The following CACNA1S variants were observed in gnomAD, a reference collection of about 807,000 sequenced individuals.
The protein encoded by CACNA1S is voltage-dependent L-type calcium channel subunit alpha-1S.
Under a neutral mutation model 207.4 loss-of-function variants are expected in CACNA1S, and 126 were observed. The ratio of observed to expected loss-of-function variants is 0.61; its 90% CI spans 0.53 to 0.70. The LOEUF (loss-of-function observed/expected upper bound fraction) is 0.70. Ranked by LOEUF, CACNA1S falls within the 30% of genes least tolerant of loss-of-function variation. The pLI is 0.00. For synonymous variants in CACNA1S, 960 were observed against 932.7 expected (o/e 1.03, Z -0.53); for missense variants, 2,349 against 2,422.8 (o/e 0.97, Z 0.64).
chr1:201,093,807 G>T, intron 3 of CACNA1S, 75 bp downstream of exon 3: 1 of 1,544,966 alleles, frequency 6.5e-7, no homozygotes, highest in Non-Finnish European at 8.9e-7. Flanking sequence ...CCTCTAAGAT[G>T]CTGGTGGTGG....
chr1:201,104,892 G>A (rs1662818463), intron 2 of CACNA1S, among the ~76,000 whole-genome samples: 1 of 152,258 alleles, frequency 6.6e-6, no homozygotes, highest in Admixed American at 6.5e-5. Context: ...GGCATGTGCA[G>A]TGATCTAACC....
At chr1:201,060,961 T>C (rs951651574) in intron 25 of CACNA1S, 145 bp from the exon 26 acceptor site, 5 of 1,043,842 alleles carry the variant, frequency 4.8e-6, no homozygotes, top group African/African-American at 1.6e-5. Context: ...AGGGGAATAA[T>C]CCTGTTGGGC....
intron 2 of CACNA1S, 126 bp from the exon 3 acceptor site, chr1:201,094,147 T>C: frequency 9.1e-7 from 1 of 1,100,796 alleles, no homozygotes; most frequent in Non-Finnish European, 1.4e-6. Context: ...CGTTTGCACT[T>C]GCTGATGGAA....
intron 18 of CACNA1S, 39 bp downstream of exon 18, chr1:201,069,433 G>C: frequency 6.2e-7 from 1 of 1,604,904 alleles, no homozygotes; most frequent in Non-Finnish European, 8.5e-7. Context: ...GCTGGAGGGG[G>C]CAGGGGTGCT....
chr1:201,053,140 A>G lies in CACNA1S; in HGVS notation c.3861+69T>C, dbSNP rs1660713533. ...AGCCCGTGTGCTGCTCAGGCTCCTCAGGGTCCACTGATGCCCCCTCTAACT... is the reference window on the plus strand; with the variant it reads ...AGCCCGTGTGCTGCTCAGGCTCCTCGGGGTCCACTGATGCCCCCTCTAACT... On this transcript the variant is annotated intron_variant, in intron 31 of 43. Coordinates refer to ENST00000362061, the MANE Select transcript of CACNA1S (RefSeq NM_000069.3). This position sits in a 1 kb window ranked among gnomAD's most constrained non-coding sequence, Gnocchi z 5.1. 9.0e-6 allele frequency: 14 copies of G among 1,563,890 alleles called. No homozygotes were observed. The South Asian group carries it at 1.3e-4, about 15-fold the overall frequency.
At chr1:201,097,099 C>T (rs1407564269) in intron 2 of CACNA1S, among the ~76,000 whole-genome samples, 1 of 152,092 alleles carries the variant, frequency 6.6e-6, no homozygotes. Context: ...GTCCCAGTGT[C>T]CAGCAGGTCC....
At position 201,059,280 on chromosome 1, in the gene CACNA1S, T is replaced by C; in HGVS notation, c.3434A>G (p.Gln1145Arg). Residue 1145 changes from glutamine to arginine, a missense_variant, in exon 27 of 44, where the codon CAG becomes CGG. Coordinates refer to ENST00000362061, the MANE Select transcript of CACNA1S (RefSeq NM_000069.3). ...LGMQHYNQSEQMNHISDILNV... is the reference protein window; with the variant it reads ...LGMQHYNQSERMNHISDILNV... ...GAGGATGTCTGAGATGTGGTTCATC[T>C]GCTCCGACTGGTTGTAGTGCTGTGG... The C allele has an allele frequency of 1.9e-6, 3 of 1,613,540 alleles. No homozygotes were observed. The highest frequency in any genetic ancestry group is 2.5e-6 in the Non-Finnish European group (3 of 1,179,460).
At position 201,053,333 on chromosome 1, in the gene CACNA1S, C is replaced by G. The variant is rs544379172; in HGVS notation, c.3796-59G>C. On this transcript the variant is annotated intron_variant, in intron 30 of 43. Coordinates refer to ENST00000362061, the MANE Select transcript of CACNA1S (RefSeq NM_000069.3). The surrounding 1 kb of genome is among the most constrained non-coding windows in gnomAD (Gnocchi z 5.1). Reference sequence around the variant, plus strand: ...TAGGGCTCCACTGTGTGTCTGCAGCCCTGCCCTCTGTTAGCTCCCCAGGGC... The same window carrying G: ...TAGGGCTCCACTGTGTGTCTGCAGCGCTGCCCTCTGTTAGCTCCCCAGGGC... 1.2e-6 allele frequency: 2 copies of G among 1,611,850 alleles called. No individual in the cohort carries two copies. Among genetic ancestry groups the G allele is most frequent in the Middle Eastern group, 1.7e-4 (1 of 6,044 alleles).
At chr1:201,065,986 C>A in intron 21 of CACNA1S, 41 bp from the exon 22 acceptor site, 1 of 1,404,316 alleles carries the variant, frequency 7.1e-7, no homozygotes, top group East Asian at 2.3e-5. Context: ...GGTGCACCCA[C>A]AGTAACCCTG....
At position 201,039,724 on chromosome 1, in the gene CACNA1S, G is replaced by T; in HGVS notation, c.*107C>A. 6.7e-7 allele frequency: 1 copy of T among 1,484,212 alleles called. No homozygotes were observed. 91.9% of individuals were successfully genotyped at this position (1,484,212 alleles called of 1,614,324 possible). ...GCCTCAGGCCATGCATCTAGCTGCT[G>T]AGAGGGAGGGAGGCTGCTGCGGTGG... On this transcript the variant is annotated 3_prime_UTR_variant, in exon 44 of 44. Transcript: ENST00000362061.
chr1:201,070,512 A>C (rs1661409999), intron 16 of CACNA1S, 108 bp from the exon 17 acceptor site: 1 of 1,477,878 alleles, frequency 6.8e-7, no homozygotes, highest in African/African-American at 1.4e-5. Context: ...TAAGCAAGGG[A>C]CCACCAGGCT....
chr1:201,062,861 C>T (rs1661113255), intron 22 of CACNA1S, among the ~76,000 whole-genome samples: 3 of 152,252 alleles, frequency 2.0e-5, no homozygotes, highest in South Asian at 4.1e-4. Context: ...CCCTGCCCCT[C>T]CCTCGGGGAG....
rs754213830 is a variant in CACNA1S, at chr1:201,089,450, C to G, written c.708G>C (p.Thr236=). ...CYFIGTDIVA[T]VENEEPSPCA... ...AGGGCGATGGCTCTTCATTCTCCAC[C>G]GTGGCCACGATATCTGGAGGCAGAA... is the stretch of plus-strand genomic sequence containing the variant. Residue 236 remains threonine, a synonymous_variant, in exon 6 of 44, where the codon ACG becomes ACC. Transcript: ENST00000362061. The G allele has an allele frequency of 2.9e-5, 46 of 1,613,830 alleles. No homozygotes were observed. The Admixed American group carries it at 7.3e-4, about 26-fold the overall frequency.
intron 41 of CACNA1S, 152 bp downstream of exon 41, chr1:201,041,352 T>C (rs368769049): frequency 4.2e-6 from 3 of 706,316 alleles, no homozygotes; most frequent in East Asian, 2.7e-5. Flanking sequence ...GTCCTGATGG[T>C]TTTCCCATTC....
At chr1:201,075,744 G>T (rs1661589254) in intron 12 of CACNA1S, 129 bp from the exon 13 acceptor site, 1 of 1,074,002 alleles carries the variant, frequency 9.3e-7, no homozygotes, top group East Asian at 2.4e-5. Context: ...TCATTCCACA[G>T]TCTGGGTGGC....
At position 201,066,049 on chromosome 1, in the gene CACNA1S, G is replaced by T; in HGVS notation, c.2746-104C>A. The T allele has an allele frequency of 2.1e-6, 2 of 962,386 alleles. No homozygotes were observed. The highest frequency in any genetic ancestry group is 3.3e-6 in the Non-Finnish European group (2 of 608,884). 59.6% of individuals were successfully genotyped at this position (962,386 alleles called of 1,614,324 possible). ...TGCAAGACTTGCTGCCTCCTGATGA[G>T]TTGGAGGTGGGGAAAGGCTGGTGGG... On this transcript the variant is annotated intron_variant, in intron 21 of 43. Transcript: ENST00000362061. The surrounding 1 kb of genome is among the most constrained non-coding windows in gnomAD (Gnocchi z 4.3).
chr1:201,090,734 C>T (rs1422344462), intron 5 of CACNA1S, among the ~76,000 whole-genome samples: 1 of 152,116 alleles, frequency 6.6e-6, no homozygotes, highest in African/African-American at 2.4e-5. Context: ...ATTCTCTCAA[C>T]AATGTAGACT....
intron 9 of CACNA1S, among the ~76,000 whole-genome samples, chr1:201,084,716 G>A (rs1661966556): frequency 6.6e-6 from 1 of 152,152 alleles, no homozygotes; most frequent in Non-Finnish European, 1.5e-5. Context: ...TCCTTCTTAT[G>A]TGCTATATAA....
rs1660138029 is a variant in CACNA1S at position 201,040,689 on chromosome 1, T to A, written c.5159A>T (p.Glu1720Val). ...VLGPHSKPCV[E>V]MLKGLLTQRA... The stretch of plus-strand genomic sequence containing the variant: ...CTGGGTCAGCAGTCCCTTCAGCATC[T>A]CCACACAGGGTTTGCTGTGGGGTCC... The change falls in exon 42 of 44, where the codon GAG becomes GTG. Residue 1720 changes from glutamate to valine, a missense_variant. By Grantham distance (121) the Glu-to-Val change is moderately radical. Transcript: ENST00000362061. 1 of 1,614,042 alleles carries A rather than the reference T, an allele frequency of 6.2e-7. No homozygotes were observed. The highest frequency in any genetic ancestry group is 8.5e-7 in the Non-Finnish European group (1 of 1,179,974).
Sources: gnomAD v4.1 joint callset for allele counts (sites outside exome capture counted in the v4.1 genomes callset) on GRCh38, gnomAD v4.1.1 for gene constraint, Gnocchi (gnomAD v3.1) non-coding constraint, MANE v1.5 for transcripts, NCBI Gene and HGNC (gene_info 2026-07-23, HGNC 2026-07-21) for gene names.